KIF16B: variants seen among roughly 807,000 people sequenced by gnomAD.
KIF16B encodes the protein kinesin-like protein KIF16B.
In KIF16B, 98 loss-of-function variants were observed where a neutral mutation model predicts 156.3. The ratio of observed to expected loss-of-function variants is 0.63; its 90% confidence interval spans 0.53 to 0.74. The LOEUF is 0.74. KIF16B is among the 30% of genes least tolerant of loss of function. The pLI, the probability that KIF16B is intolerant of heterozygous loss-of-function variation, is 0.00. For missense variants in KIF16B, 1,421 were observed against 1,606.5 expected (o/e 0.88, Z 1.97); for synonymous variants, 564 against 583.7 (o/e 0.97, Z 0.49).
Position 16,497,603 on chromosome 20 carries a change from T to C in KIF16B, c.1242+10A>G. On this transcript the variant is annotated intron_variant, in intron 11 of 25. Coordinates refer to ENST00000354981, the MANE Select transcript of KIF16B (RefSeq NM_024704.5). ...TATGATTTAAAAATATAAGTCAAAG[T>C]ATCACTTACTCTTGCTTCATTCTGC... 2 of 1,596,566 alleles carry C rather than the reference T, an allele frequency of 1.3e-6. No individual in the cohort carries two copies. The highest frequency in any genetic ancestry group is 1.7e-6 in the Non-Finnish European group (2 of 1,164,932).
At position 16,538,790 on chromosome 20, in the gene KIF16B, G is replaced by A. The variant is rs550060050; in HGVS notation, c.48-10350C>T. Among the ~76,000 whole-genome samples, 9 of 152,260 alleles carry A rather than the reference G, an allele frequency of 5.9e-5. No homozygotes were observed. The South Asian group carries it at 1.0e-3, about 18-fold the overall frequency. On this transcript the variant is annotated intron_variant, in intron 1 of 25. Coordinates refer to ENST00000354981, the MANE Select transcript of KIF16B (RefSeq NM_024704.5). ...TCCAATGCTGGTGGTGTGGCCTGGT[G>A]GGAGGTGATTGGATCACAGGAGTGG...
chr20:16,287,248 G>T (rs901354577), intron 25 of KIF16B, among the ~76,000 whole-genome samples: 19 of 152,202 alleles, frequency 1.2e-4, no homozygotes, highest in Admixed American at 6.5e-5. Flanking sequence ...ATAAATTAAA[G>T]TCCAATTCTA....
At chr20:16,392,621 G>C (rs1236968763) in intron 17 of KIF16B, among the ~76,000 whole-genome samples, 1 of 152,198 alleles carries the variant, frequency 6.6e-6, no homozygotes, top group African/African-American at 2.4e-5. Context: ...ATGCCGATAC[G>C]CCTAACCAGG....
chr20:16,475,261 A>G (rs2067777295), intron 12 of KIF16B, among the ~76,000 whole-genome samples: 1 of 152,228 alleles, frequency 6.6e-6, no homozygotes, highest in African/African-American at 2.4e-5. Flanking sequence ...TTTCACAAAG[A>G]ACTCATTTTA....
intron 23 of KIF16B, among the ~76,000 whole-genome samples, chr20:16,339,548 G>A (rs982732925): frequency 3.9e-5 from 6 of 152,060 alleles, no homozygotes; most frequent in African/African-American, 7.2e-5. Flanking sequence ...TCGTATATCC[G>A]ACTGGCTACT....
chr20:16,302,495 G>A (rs1590872), intron 25 of KIF16B, among the ~76,000 whole-genome samples: 109,817 of 152,108 alleles, frequency 0.72, 40,568 homozygotes, highest in East Asian at 0.96. Context: ...CCAGTACAAC[G>A]CTGTCTTGAT....
At chr20:16,494,686 T>C (rs1296830628) in intron 11 of KIF16B, among the ~76,000 whole-genome samples, 1 of 152,210 alleles carries the variant, frequency 6.6e-6, no homozygotes, top group Non-Finnish European at 1.5e-5. Context: ...AATGGATTAA[T>C]TTTTCATTAT....
In KIF16B at chr20:16,494,275, T is replaced by A; in HGVS notation, c.1302+16A>T. On this transcript the variant is annotated intron_variant, in intron 12 of 25. Transcript: ENST00000354981. The stretch of plus-strand genomic sequence containing the variant: ...ATCCACCATAGTAAGACTAAACACA[T>A]TTTTCTAGTCCTTACTTTCAAAATA... 6.5e-7 allele frequency: 1 copy of A among 1,531,626 alleles called. No individual in the cohort carries two copies. The allele number at this position is 1,531,626 out of a possible 1,614,324, so 94.9% of individuals were successfully genotyped here. A position where few individuals can be genotyped will look rare whatever the true frequency, so the allele number is the denominator to read the frequency against.
At chr20:16,484,389 T>C (rs2068061387) in intron 12 of KIF16B, among the ~76,000 whole-genome samples, 1 of 152,186 alleles carries the variant, frequency 6.6e-6, no homozygotes, top group South Asian at 2.1e-4. Flanking sequence ...CCCTGTTAAT[T>C]ATCAAGTCCC....
intron 15 of KIF16B, among the ~76,000 whole-genome samples, chr20:16,415,319 A>T (rs2066059668): frequency 2.0e-5 from 3 of 152,106 alleles, no homozygotes; most frequent in Admixed American, 1.3e-4. Context: ...TAATCATCTC[A>T]ATTATTTATT....
At chr20:16,348,185 GGC>G (rs1377223970) in intron 23 of KIF16B, among the ~76,000 whole-genome samples, 2 of 152,134 alleles carry the variant, frequency 1.3e-5, no homozygotes, top group Non-Finnish European at 2.9e-5. Context: ...TTTGAAAACA[GGC>G]AAGGATTTGA....
At chr20:16,552,859 G>A (rs2070717880) in intron 1 of KIF16B, among the ~76,000 whole-genome samples, 1 of 151,826 alleles carries the variant, frequency 6.6e-6, no homozygotes, top group Non-Finnish European at 1.5e-5. Flanking sequence ...GCAACCTTCT[G>A]GGTTCAAGCA....
At chr20:16,485,111 T>C (rs1043281636) in intron 12 of KIF16B, among the ~76,000 whole-genome samples, 1 of 152,132 alleles carries the variant, frequency 6.6e-6, no homozygotes, top group Non-Finnish European at 1.5e-5. Context: ...TTGCCATTCT[T>C]AGGATCCAGA....
At chr20:16,285,641 A>C (rs1323532991) in intron 25 of KIF16B, among the ~76,000 whole-genome samples, 1 of 151,878 alleles carries the variant, frequency 6.6e-6, no homozygotes, top group Admixed American at 6.5e-5. Context: ...ACATGCTGAA[A>C]TCTTGTCTCT....
At chr20:16,442,843 A>C (rs1453677719) in intron 12 of KIF16B, among the ~76,000 whole-genome samples, 1 of 152,164 alleles carries the variant, frequency 6.6e-6, no homozygotes, top group Non-Finnish European at 1.5e-5. Context: ...GAAGGTGATG[A>C]AGAATGAGAG....
chr20:16,415,012 G>A (rs1344441103), intron 15 of KIF16B, among the ~76,000 whole-genome samples: 1 of 152,080 alleles, frequency 6.6e-6, no homozygotes, highest in East Asian at 1.9e-4. Context: ...AATAGGTTAG[G>A]TGTATTAAAT....
At position 16,374,327 on chromosome 20, in the gene KIF16B, C is replaced by A. The variant is rs759910088; in HGVS notation, c.3280G>T (p.Gly1094Trp). 20 of 1,606,476 alleles carry A rather than the reference C, an allele frequency of 1.2e-5. No individual in the cohort carries two copies. The East Asian group carries it at 3.6e-4, about 29-fold the overall frequency. Reference protein sequence around the residue: ...VQKDHHGTLEGKVASSSLPVS... With the variant: ...VQKDHHGTLEWKVASSSLPVS... ...GGCAAGCTGGAAGAAGCCACCTTCC[C>A]TTCCAGGGTCCCATGATGATCTTTT... The change falls in exon 20 of 26, where the codon GGG becomes TGG. Residue 1094 changes from glycine to tryptophan, a missense_variant. Transcript: ENST00000354981.
At chr20:16,343,146 T>C (rs2064170256) in intron 23 of KIF16B, among the ~76,000 whole-genome samples, 1 of 152,332 alleles carries the variant, frequency 6.6e-6, no homozygotes, top group South Asian at 2.1e-4. Flanking sequence ...AGCAAATTCA[T>C]TACTTCTCTC....
At chr20:16,303,273 G>A (rs2063497769) in intron 25 of KIF16B, among the ~76,000 whole-genome samples, 1 of 152,202 alleles carries the variant, frequency 6.6e-6, no homozygotes, top group South Asian at 2.1e-4. Context: ...ACGTAGCAGA[G>A]CAGTAATTCA....
Sources: allele counts gnomAD v4.1 joint callset (sites outside exome capture counted in the v4.1 genomes callset), GRCh38; gene constraint gnomAD v4.1.1; transcripts MANE v1.5; gene names NCBI Gene and HGNC (gene_info 2026-07-23, HGNC 2026-07-21).